Variants in TNFAIP3 observed in about 807,000 individuals in gnomAD.
The protein encoded by TNFAIP3 is tumor necrosis factor alpha-induced protein 3.
TNFAIP3 carries 9 observed loss-of-function variants against 72.4 expected under a neutral mutation model. The ratio of observed to expected loss-of-function variants is 0.12; its 90% CI spans 0.07 to 0.22. The LOEUF is 0.22. TNFAIP3 is among the 10% of genes least tolerant of loss of function. TNFAIP3 has a pLI of 1.00. For missense variants in TNFAIP3, 833 were observed against 1,018.7 expected (o/e 0.82, Z 2.48); for synonymous variants, 339 against 372.6 (o/e 0.91, Z 1.04).
At position 137,874,939 on chromosome 6, in the gene TNFAIP3, C is replaced by T. The variant is rs202005030; in HGVS notation, c.390C>T (p.Leu130=). 3 of 1,614,108 alleles carry T rather than the reference C, an allele frequency of 1.9e-6. No individual in the cohort carries two copies. The highest frequency in any genetic ancestry group is 2.5e-6 in the Non-Finnish European group (3 of 1,180,056). The part of the protein sequence containing the change: ...LVLRKALFST[L]KETDTRNFKF... ...TGAGGAAGGCGCTGTTCAGCACGCTCAAGGAAACAGACACACGCAACTTTA... is the reference window on the plus strand; with the variant it reads ...TGAGGAAGGCGCTGTTCAGCACGCTTAAGGAAACAGACACACGCAACTTTA... The change falls in exon 3 of 9, where the codon CTC becomes CTT. Residue 130 remains leucine (L), a synonymous_variant. Coordinates refer to ENST00000612899, the MANE Select transcript of TNFAIP3 (RefSeq NM_001270508.2).
intron 8 of TNFAIP3, 63 bp from the exon 9 acceptor site, chr6:137,880,972 C>T (rs905360124): frequency 5.9e-6 from 9 of 1,518,536 alleles, no homozygotes; most frequent in Non-Finnish European, 8.0e-6. Flanking sequence ...ATTGTGCTCT[C>T]CCTAAGAAAT....
Position 137,879,240 on chromosome 6 carries a change from G to C in TNFAIP3, c.1795G>C (p.Gly599Arg). The C allele has an allele frequency of 6.2e-7, 1 of 1,614,208 alleles. No homozygotes were observed. Among genetic ancestry groups the C allele is most frequent in the Non-Finnish European group, 8.5e-7 (1 of 1,180,030 alleles). ...CCTGTCTCAAGCTGCACGGACTCCT[G>C]GGGACAGGACGGGGACGAGCAAGTG... ...GCLSQAARTP[G>R]DRTGTSKCRK... Residue 599 changes from glycine (G) to arginine (R), a missense_variant, in exon 7 of 9, where the codon GGG becomes CGG. Around this residue, in one of 2 missense-constraint regions of TNFAIP3, gnomAD observed 587 missense variants for 657.8 expected, o/e 0.89. Transcript: ENST00000612899.
At chr6:137,870,503 A>C (rs951638206) in intron 1 of TNFAIP3, among the ~76,000 whole-genome samples, 4 of 152,290 alleles carry the variant, frequency 2.6e-5, no homozygotes, top group African/African-American at 9.6e-5. Flanking sequence ...TAAAATTGCA[A>C]AGCATCTTGC....
rs1776519263 is a variant in TNFAIP3 at position 137,883,262 on chromosome 6, A to C, written c.*1943A>C. The C allele has an allele frequency of 5.2e-6, 1 of 190,844 alleles. No individual in the cohort carries two copies. The highest frequency in any genetic ancestry group is 2.3e-5 in the African/African-American group (1 of 43,012). 11.8% of individuals were successfully genotyped at this position (190,844 alleles called of 1,614,324 possible). Reference sequence around the variant, plus strand: ...GGATTTCTTCAAGTTTTTCTAAATAAATGTAACTTTTCACAAGAGTCAACA... The same window carrying C: ...GGATTTCTTCAAGTTTTTCTAAATACATGTAACTTTTCACAAGAGTCAACA... On this transcript the variant is annotated 3_prime_UTR_variant, in exon 9 of 9. Coordinates refer to ENST00000612899, the MANE Select transcript of TNFAIP3 (RefSeq NM_001270508.2).
chr6:137,870,744 G>T (rs1055447945), intron 1 of TNFAIP3, among the ~76,000 whole-genome samples: 4 of 152,196 alleles, frequency 2.6e-5, no homozygotes, highest in African/African-American at 9.7e-5. Flanking sequence ...CCAAGAGCAG[G>T]AGTGCTTGGT....
At chr6:137,866,408 CCT>C (rs1397556143), upstream of TNFAIP3, among the ~76,000 whole-genome samples, 1 of 152,166 alleles carries the variant, frequency 6.6e-6, no homozygotes, top group East Asian at 1.9e-4. Context: ...TAAAAACACA[CCT>C]AATAAAGCCT....
rs2114496288 is a variant in TNFAIP3, at chr6:137,878,461, T to C, written c.1016T>C (p.Ile339Thr). The C allele has an allele frequency of 6.2e-7, 1 of 1,609,742 alleles. No homozygotes were observed. Among genetic ancestry groups the C allele is most frequent in the Non-Finnish European group, 8.5e-7 (1 of 1,176,364 alleles). Residue 339 changes from isoleucine (I) to threonine (T), a missense_variant, in exon 7 of 9, where the codon ATC (isoleucine) becomes ACC (threonine). Physicochemically the swap from Ile to Thr is moderately conservative, Grantham distance 89. Around this residue, in one of 2 missense-constraint regions of TNFAIP3, gnomAD observed 587 missense variants for 657.8 expected, o/e 0.89. Transcript: ENST00000612899. Reference sequence around the variant, plus strand: ...GATGAAGCTAACTTACCAAAAGAAATCAATCTGGTAGATGATTACTTTGAA... The same window carrying C: ...GATGAAGCTAACTTACCAAAAGAAACCAATCTGGTAGATGATTACTTTGAA... The part of the protein sequence containing the change: ...KLDEANLPKE[I>T]NLVDDYFELV...
intron 6 of TNFAIP3, among the ~76,000 whole-genome samples, chr6:137,877,869 T>C (rs984634085): frequency 1.3e-5 from 2 of 152,192 alleles, no homozygotes; most frequent in African/African-American, 4.8e-5. Context: ...TCTCTCAATG[T>C]GGAGATTAGC....
Position 137,881,695 on chromosome 6 carries a change from C to T in TNFAIP3, c.*376C>T, listed in dbSNP as rs1244921305. 2 of 258,100 alleles carry T rather than the reference C, an allele frequency of 7.7e-6. No homozygotes were observed. Among genetic ancestry groups the T allele is most frequent in the Non-Finnish European group, 7.4e-6 (1 of 135,650 alleles). 16.0% of individuals were successfully genotyped at this position (258,100 alleles called of 1,614,324 possible). A position where few individuals can be genotyped will look rare whatever the true frequency, so the allele number is the denominator to read the frequency against. On this transcript the variant is annotated 3_prime_UTR_variant, in exon 9 of 9. Coordinates refer to ENST00000612899, the MANE Select transcript of TNFAIP3 (RefSeq NM_001270508.2). This position sits in a 1 kb window ranked among gnomAD's most constrained non-coding sequence, Gnocchi z 5.0. The stretch of plus-strand genomic sequence containing the variant: ...CGTCTTGGCTGAGAAAGGGAAAAGA[C>T]ACACAAGTCGCGTGGGTTGGAGAAG...
At chr6:137,873,332 G>C (rs775348120) in intron 2 of TNFAIP3, among the ~76,000 whole-genome samples, 1 of 152,188 alleles carries the variant, frequency 6.6e-6, no homozygotes, top group Non-Finnish European at 1.5e-5. Context: ...TGAGACTGCG[G>C]TGAATGAGGA....
In TNFAIP3 at chr6:137,871,558, T is replaced by G. The variant is rs1304581457; in HGVS notation, c.295+36T>G. 3.1e-6 allele frequency: 5 copies of G among 1,601,160 alleles called. No individual in the cohort carries two copies. Among genetic ancestry groups the G allele is most frequent in the Non-Finnish European group, 4.3e-6 (5 of 1,172,570 alleles). ...TTCTGTTGTGTTTCTTTTGCCTGGG[T>G]GATAGCTCCCGCCTGCTGGATCCCC... On this transcript the variant is annotated intron_variant, in intron 2 of 8. Transcript: ENST00000612899. The surrounding 1 kb of genome is among the most constrained non-coding windows in gnomAD (Gnocchi z 4.2).
intron 1 of TNFAIP3, among the ~76,000 whole-genome samples, chr6:137,869,525 T>C (rs1258073703): frequency 3.3e-5 from 5 of 152,218 alleles, no homozygotes; most frequent in Non-Finnish European, 1.5e-5. Flanking sequence ...GAGAGCACCA[T>C]CTGATCCAGA....
rs886356827 is a variant in TNFAIP3, at chr6:137,869,677, A to G, written c.-15-1536A>G. ...AGTGGGCCACAAGAATTATCTCAAC[A>G]CCTTATCAATGGTGTTGAGAGTCTA... On this transcript the variant is annotated intron_variant, in intron 1 of 8. Coordinates refer to ENST00000612899, the MANE Select transcript of TNFAIP3 (RefSeq NM_001270508.2). 2.0e-5 allele frequency among the ~76,000 whole-genome samples: 3 copies of G among 152,008 alleles called. No homozygotes were observed. The South Asian group carries it at 6.2e-4, about 32-fold the overall frequency.
At position 137,878,720 on chromosome 6, in the gene TNFAIP3, G is replaced by T; in HGVS notation, c.1275G>T (p.Pro425=). 2.5e-6 allele frequency: 4 copies of T among 1,614,090 alleles called. No individual in the cohort carries two copies. The highest frequency in any genetic ancestry group is 3.4e-6 in the Non-Finnish European group (4 of 1,180,030). The change falls in exon 7 of 9, where the codon CCG becomes CCT. Residue 425 remains proline, a synonymous_variant. Coordinates refer to ENST00000612899, the MANE Select transcript of TNFAIP3 (RefSeq NM_001270508.2). ...QNKLPKLNSK[P]GPEGLPGMAL... ...AACTCCCAAAGCTGAACTCCAAGCCGGGCCCTGAGGGGCTCCCTGGCATGG... is the reference window on the plus strand; with the variant it reads ...AACTCCCAAAGCTGAACTCCAAGCCTGGCCCTGAGGGGCTCCCTGGCATGG...
chr6:137,882,335 T>A lies in TNFAIP3; in HGVS notation c.*1016T>A, dbSNP rs1368566737. On this transcript the variant is annotated 3_prime_UTR_variant, in exon 9 of 9. Transcript: ENST00000612899. ...ATTTATTTTATTACAAACTTCAAGA[T>A]TATTTAAGTGAAGATATTTCTTCAG... 1 of 231,846 alleles carries A rather than the reference T, an allele frequency of 4.3e-6. No individual in the cohort carries two copies. The highest frequency in any genetic ancestry group is 6.1e-5 in the East Asian group (1 of 16,522). 14.4% of individuals were successfully genotyped at this position (231,846 alleles called of 1,614,324 possible). A position where few individuals can be genotyped will look rare whatever the true frequency, so the allele number is the denominator to read the frequency against.
rs1776223236 is a variant in TNFAIP3, at chr6:137,875,690, C to T, written c.489C>T (p.Asn163=). ...TTTTTTCACCCCGCTCCCCTTAGAA[C>T]TGGAATGATGAATGGGACAATCTTA... ...VETGLCYDTR[N]WNDEWDNLIK... The change falls in exon 4 of 9, where the codon AAC becomes AAT. Residue 163 remains asparagine, a splice_region_variant and synonymous_variant. Coordinates refer to ENST00000612899, the MANE Select transcript of TNFAIP3 (RefSeq NM_001270508.2). 1 of 1,613,998 alleles carries T rather than the reference C, an allele frequency of 6.2e-7. No homozygotes were observed.
chr6:137,880,768 G>A (rs1251190833), intron 8 of TNFAIP3, among the ~76,000 whole-genome samples: 1 of 152,182 alleles, frequency 6.6e-6, no homozygotes, highest in Non-Finnish European at 1.5e-5. Flanking sequence ...CAACAGAAGA[G>A]AGCCAGGGAA....
At position 137,877,157 on chromosome 6, in the gene TNFAIP3, ATG is replaced by A. The variant is rs2114490283; in HGVS notation, c.888_889del (p.Asn296LysfsTer36). 6.2e-7 allele frequency: 1 copy of A among 1,614,124 alleles called. No individual in the cohort carries two copies. Among genetic ancestry groups the A allele is most frequent in the East Asian group, 2.2e-5 (1 of 44,884 alleles). Reference sequence around the variant, plus strand: ...GTTCACTTTTTGACAGATCCTGAAAATGAGATGAAGGAGAAGCTCTTAAAAGA... The same window carrying A: ...GTTCACTTTTTGACAGATCCTGAAAAAGATGAAGGAGAAGCTCTTAAAAGA... On this transcript the variant is annotated frameshift_variant, in exon 6 of 9. Transcript: ENST00000612899. LOFTEE classifies it high-confidence loss of function.
At position 137,871,068 on chromosome 6, in the gene TNFAIP3, C is replaced by A; in HGVS notation, c.-15-145C>A. On this transcript the variant is annotated intron_variant, in intron 1 of 8. Coordinates refer to ENST00000612899, the MANE Select transcript of TNFAIP3 (RefSeq NM_001270508.2). This position sits in a 1 kb window ranked among gnomAD's most constrained non-coding sequence, Gnocchi z 4.2. ...TTAATCTCTGGGGCCAGCTAGTATCCCGGGAGTAGAGGTGCTAAGATCTTT... is the reference window on the plus strand; with the variant it reads ...TTAATCTCTGGGGCCAGCTAGTATCACGGGAGTAGAGGTGCTAAGATCTTT... 1 of 676,638 alleles carries A rather than the reference C, an allele frequency of 1.5e-6. No homozygotes were observed. The highest frequency in any genetic ancestry group is 2.4e-6 in the Non-Finnish European group (1 of 412,180). 41.9% of individuals were successfully genotyped at this position (676,638 alleles called of 1,614,324 possible).
Sources: allele counts gnomAD v4.1 joint callset (sites outside exome capture counted in the v4.1 genomes callset), GRCh38; gene constraint gnomAD v4.1.1; regional missense constraint gnomAD v4.1.1; non-coding constraint Gnocchi (gnomAD v3.1); transcripts MANE v1.5; gene names NCBI Gene and HGNC (gene_info 2026-07-23, HGNC 2026-07-21).